Variants in PPP1R9A observed in about 807,000 individuals in gnomAD.
PPP1R9A encodes neurabin-1.
A neutral mutation model predicts 141.9 loss-of-function variants in PPP1R9A; 59 were observed. That is an observed-to-expected ratio of 0.42 (90% CI 0.34 to 0.52). The LOEUF is 0.52. Ranked by LOEUF, PPP1R9A falls within the 20% of genes least tolerant of loss-of-function variation. The pLI is 0.10. For missense variants in PPP1R9A, 1,444 were observed against 1,611.9 expected (o/e 0.90, Z 1.78); for synonymous variants, 500 against 569.7 (o/e 0.88, Z 1.74).
intron 16 of PPP1R9A, among the ~76,000 whole-genome samples, chr7:95,280,322 TCTGGCAG>T (rs1166947403): frequency 6.6e-6 from 1 of 152,228 alleles, no homozygotes; most frequent in African/African-American, 2.4e-5. Context: ...CTTCATCTGT[TCTGGCAG>T]TTTCTGAACT....
At chr7:95,037,280 T>C (rs1296867179) in intron 2 of PPP1R9A, among the ~76,000 whole-genome samples, 1 of 152,162 alleles carries the variant, frequency 6.6e-6, no homozygotes, top group Non-Finnish European at 1.5e-5. Context: ...ATGTATCTGC[T>C]TTTCTTTAAC....
At chr7:95,074,720 C>T (rs556634684) in intron 2 of PPP1R9A, among the ~76,000 whole-genome samples, 5 of 152,008 alleles carry the variant, frequency 3.3e-5, no homozygotes, top group East Asian at 1.9e-4. Context: ...GTGATCCACC[C>T]GTCTCGGCCT....
chr7:95,025,611 G>C (rs1195947552), intron 2 of PPP1R9A, among the ~76,000 whole-genome samples: 6 of 152,082 alleles, frequency 3.9e-5, no homozygotes, highest in African/African-American at 1.4e-4. Flanking sequence ...GAATTTAAAT[G>C]TTGGCCTGTC....
intron 2 of PPP1R9A, among the ~76,000 whole-genome samples, chr7:94,939,831 C>G (rs963532108): frequency 6.6e-6 from 1 of 151,096 alleles, no homozygotes; most frequent in Non-Finnish European, 1.5e-5. Context: ...CACACACACA[C>G]ACACACACAC....
intron 2 of PPP1R9A, among the ~76,000 whole-genome samples, chr7:94,943,694 A>G (rs1795581056): frequency 6.6e-6 from 1 of 152,242 alleles, no homozygotes; most frequent in African/African-American, 2.4e-5. Flanking sequence ...GGGAGATGGG[A>G]TGGAGATATT....
rs558747250 is a variant in PPP1R9A at position 95,055,936 on chromosome 7, T to C, written c.1396-55323T>C. On this transcript the variant is annotated intron_variant, in intron 2 of 19. Transcript: ENST00000433360. ...GCCAGAATAACATACTAATAAGCAT[T>C]GCTAATCAATACAGAGCAACCCCAA... Among the ~76,000 whole-genome samples, 97 of 152,276 alleles carry C rather than the reference T, an allele frequency of 6.4e-4. 1 individual carries two copies. Among genetic ancestry groups the C allele is most frequent in the African/African-American group, 2.3e-3 (94 of 41,572 alleles).
chr7:95,275,591 T>C (rs1273324817), intron 16 of PPP1R9A, among the ~76,000 whole-genome samples: 2 of 152,188 alleles, frequency 1.3e-5, no homozygotes, highest in East Asian at 1.9e-4. Context: ...CAGTTACTTA[T>C]GCATCTAATG....
At chr7:95,289,775 C>G (rs188146895) in intron 19 of PPP1R9A, among the ~76,000 whole-genome samples, 1 of 152,314 alleles carries the variant, frequency 6.6e-6, no homozygotes, top group East Asian at 1.9e-4. Flanking sequence ...TACCTTTACC[C>G]GTAAATGCCT....
intron 2 of PPP1R9A, among the ~76,000 whole-genome samples, chr7:94,963,586 T>C (rs1383791036): frequency 6.6e-6 from 1 of 152,168 alleles, no homozygotes; most frequent in African/African-American, 2.4e-5. Flanking sequence ...CCTAACAATG[T>C]TTTCATCCAT....
At position 95,194,299 on chromosome 7, in the gene PPP1R9A, A is replaced by G. The variant is rs187361231; in HGVS notation, c.1755-4050A>G. 3.9e-5 allele frequency among the ~76,000 whole-genome samples: 6 copies of G among 152,170 alleles called. 1 individual carries two copies. The highest frequency in any genetic ancestry group is 3.9e-4 in the Admixed American group (6 of 15,296). On this transcript the variant is annotated intron_variant, in intron 5 of 19. Coordinates refer to ENST00000433360, the MANE Select transcript of PPP1R9A (RefSeq NM_001166160.2). ...ATTCTTTAAGCATGTTAAAGACTTT[A>G]TGTATCTTTAACCATAAAAAACATA...
chr7:95,042,490 A>G (rs369473302), intron 2 of PPP1R9A, among the ~76,000 whole-genome samples: 6 of 152,220 alleles, frequency 3.9e-5, no homozygotes, highest in African/African-American at 1.4e-4. Context: ...TCATCTCATC[A>G]AGTGAAAATA....
At chr7:95,050,352 T>A (rs1810623384) in intron 2 of PPP1R9A, among the ~76,000 whole-genome samples, 1 of 152,216 alleles carries the variant, frequency 6.6e-6, no homozygotes. Flanking sequence ...ATTTTTAAAT[T>A]ACTTTAGATA....
intron 5 of PPP1R9A, among the ~76,000 whole-genome samples, chr7:95,172,785 A>C (rs1832322378): frequency 6.6e-6 from 1 of 151,906 alleles, no homozygotes; most frequent in Non-Finnish European, 1.5e-5. Flanking sequence ...TGTTAAAAAA[A>C]ATTTCGGAGG....
chr7:94,963,528 G>A (rs1468815227), intron 2 of PPP1R9A, among the ~76,000 whole-genome samples: 3 of 152,054 alleles, frequency 2.0e-5, no homozygotes, highest in East Asian at 1.9e-4. Context: ...TACATTTTAT[G>A]TAAATAGAAT....
chr7:94,952,415 C>T (rs562284902), intron 2 of PPP1R9A, among the ~76,000 whole-genome samples: 7 of 152,244 alleles, frequency 4.6e-5, no homozygotes, highest in Non-Finnish European at 4.4e-5. Context: ...AATAAACATA[C>T]ATGTGCATGT....
chr7:95,000,679 C>T (rs1282615170), intron 2 of PPP1R9A, among the ~76,000 whole-genome samples: 1 of 152,034 alleles, frequency 6.6e-6, no homozygotes. Flanking sequence ...TGTTTTCTCC[C>T]TCAACTTCTT....
At chr7:95,040,486 T>A (rs1252043548) in intron 2 of PPP1R9A, among the ~76,000 whole-genome samples, 2 of 151,942 alleles carry the variant, frequency 1.3e-5, no homozygotes, top group African/African-American at 4.8e-5. Context: ...AAAAAAAAAT[T>A]AAAAATAATA....
At chr7:95,079,529 ATTCC>A (rs1236062704) in intron 2 of PPP1R9A, among the ~76,000 whole-genome samples, 1 of 152,006 alleles carries the variant, frequency 6.6e-6, no homozygotes, top group Non-Finnish European at 1.5e-5. Flanking sequence ...AACTGGTACC[ATTCC>A]TTCTGAAACT....
At chr7:94,992,762 T>C (rs1032928564) in intron 2 of PPP1R9A, among the ~76,000 whole-genome samples, 2 of 152,212 alleles carry the variant, frequency 1.3e-5, no homozygotes, top group South Asian at 2.1e-4. Context: ...TGCAATCATA[T>C]GTGTATCTTA....
Sources: allele counts gnomAD v4.1 joint callset (sites outside exome capture counted in the v4.1 genomes callset), GRCh38; gene constraint gnomAD v4.1.1; transcripts MANE v1.5; gene names NCBI Gene and HGNC (gene_info 2026-07-23, HGNC 2026-07-21).